The following ATP6V0A2 variants were observed in gnomAD, a reference collection of about 807,000 sequenced individuals.
ATP6V0A2 encodes ATPase H+ transporting V0 subunit a2, also known as V-type proton ATPase 116 kDa subunit a 2.
In ATP6V0A2, 58 loss-of-function variants were observed where a neutral mutation model predicts 104.4. The ratio of observed to expected loss-of-function variants is 0.56; its 90% CI spans 0.45 to 0.69. The LOEUF (loss-of-function observed/expected upper bound fraction) is 0.69. Among genes scored for constraint, ATP6V0A2 ranks in the 30% least tolerant of loss-of-function variants. The pLI is 0.00. For missense variants in ATP6V0A2, 938 were observed against 1,062.9 expected (o/e 0.88, Z 1.63); for synonymous variants, 376 against 397.9 (o/e 0.95, Z 0.65).
Position 123,713,502 on chromosome 12 carries a change from G to A in ATP6V0A2, c.117+820G>A, listed in dbSNP as rs542941538. 5.3e-5 allele frequency among the ~76,000 whole-genome samples: 8 copies of A among 152,198 alleles called. No individual in the cohort carries two copies. In the South Asian group the frequency reaches 1.7e-3, roughly 32 times the overall value. On this transcript the variant is annotated intron_variant, in intron 1 of 19. Coordinates refer to ENST00000330342, the MANE Select transcript of ATP6V0A2 (RefSeq NM_012463.4). ...TTAACGCAGTCCTTGGCAGTCATTGGCATCGATAGGCATTTGTTGAATGAA... is the reference window on the plus strand; with the variant it reads ...TTAACGCAGTCCTTGGCAGTCATTGACATCGATAGGCATTTGTTGAATGAA...
chr12:123,758,347 G>A lies in ATP6V0A2; in HGVS notation c.*315G>A. 2 of 215,144 alleles carry A rather than the reference G, an allele frequency of 9.3e-6. No individual in the cohort carries two copies. The highest frequency in any genetic ancestry group is 1.8e-5 in the Non-Finnish European group (2 of 108,456). The allele number at this position is 215,144 out of a possible 1,614,324, so 13.3% of individuals were successfully genotyped here. On this transcript the variant is annotated 3_prime_UTR_variant, in exon 20 of 20. Coordinates refer to ENST00000330342, the MANE Select transcript of ATP6V0A2 (RefSeq NM_012463.4). ...CAATTTTGCATGGCTAGTTGAAAATGGTATTAGATACTTATTTCCTTTAAA... is the reference window on the plus strand; with the variant it reads ...CAATTTTGCATGGCTAGTTGAAAATAGTATTAGATACTTATTTCCTTTAAA...
At chr12:123,754,275 T>G in intron 17 of ATP6V0A2, 145 bp from the exon 18 acceptor site, 1 of 701,022 alleles carries the variant, frequency 1.4e-6, no homozygotes, top group East Asian at 2.6e-5. Context: ...CGTCTGGGGT[T>G]TCTGTTCCTC....
At chr12:123,720,555 A>G (rs763596915) in intron 2 of ATP6V0A2, among the ~76,000 whole-genome samples, 17 of 152,174 alleles carry the variant, frequency 1.1e-4, no homozygotes, top group Non-Finnish European at 1.6e-4. Flanking sequence ...TTAGCCAGGC[A>G]TGGTGACATG....
At chr12:123,729,550 G>A (rs1341312487) in intron 6 of ATP6V0A2, among the ~76,000 whole-genome samples, 3 of 152,078 alleles carry the variant, frequency 2.0e-5, no homozygotes, top group Admixed American at 1.3e-4. Context: ...TGGTTCAGAA[G>A]GGAGGGTGGA....
chr12:123,727,965 G>A (rs2135891025), intron 6 of ATP6V0A2, 56 bp downstream of exon 6: 2 of 1,611,398 alleles, frequency 1.2e-6, no homozygotes, highest in South Asian at 2.2e-5. Flanking sequence ...CAGAGTTGGA[G>A]ATATGGTAGA....
At chr12:123,757,115 C>T (rs1033724057) in intron 19 of ATP6V0A2, 129 bp downstream of exon 19, 2 of 1,063,962 alleles carry the variant, frequency 1.9e-6, no homozygotes, top group Non-Finnish European at 2.8e-6. Context: ...CTTCCCTTCC[C>T]TTGGGATCTG....
rs561208177 is a variant in ATP6V0A2, at chr12:123,759,209, A to G, written c.*1177A>G. On this transcript the variant is annotated 3_prime_UTR_variant, in exon 20 of 20. Transcript: ENST00000330342. ...AAAATATAAATGAAGATATTTTACC[A>G]TGAAGAGATTGCACTTATCCTTGAG... 14 of 151,860 alleles carry G rather than the reference A, an allele frequency of 9.2e-5. No homozygotes were observed. Among genetic ancestry groups the G allele is most frequent in the African/African-American group, 3.2e-4 (13 of 41,048 alleles). The allele number at this position is 151,860 out of a possible 1,614,324, so 9.4% of individuals were successfully genotyped here.
intron 2 of ATP6V0A2, chr12:123,721,649 T>C (rs1878077): frequency 0.67 from 139,454 of 208,782 alleles, 47,153 homozygotes; most frequent in East Asian, 0.95. Flanking sequence ...TTTCTAGGGC[T>C]GCCCTGACAC....
Position 123,744,948 on chromosome 12 carries a change from C to A in ATP6V0A2, c.1581C>A (p.Gly527=). Reference sequence around the variant, plus strand: ...CAAGCATTCCTGGAGTGTTCCGAGGCCCTTATCCCCTTGGCATTGATCCTG... The same window carrying A: ...CAAGCATTCCTGGAGTGTTCCGAGGACCTTATCCCCTTGGCATTGATCCTG... ...LDPSIPGVFR[G]PYPLGIDPIW... Residue 527 remains glycine (G), a synonymous_variant, in exon 13 of 20, where the codon GGC becomes GGA. Coordinates refer to ENST00000330342, the MANE Select transcript of ATP6V0A2 (RefSeq NM_012463.4). The surrounding 1 kb of genome is among the most constrained non-coding windows in gnomAD (Gnocchi z 5.4). 1 of 1,614,234 alleles carries A rather than the reference C, an allele frequency of 6.2e-7. No homozygotes were observed. Among genetic ancestry groups the A allele is most frequent in the Non-Finnish European group, 8.5e-7 (1 of 1,180,032 alleles).
In ATP6V0A2 at chr12:123,741,947, G is replaced by A. The variant is rs1006398153; in HGVS notation, c.1039-1838G>A. On this transcript the variant is annotated intron_variant, in intron 9 of 19. Transcript: ENST00000330342. ...TTTTTTGTGTACTGAATGCAAACAC[G>A]TCGGGTCCTGGATCTGAGATGTCCT... Among the ~76,000 whole-genome samples, 59 of 152,208 alleles carry A rather than the reference G, an allele frequency of 3.9e-4. 1 individual carries two copies. The highest frequency in any genetic ancestry group is 1.3e-3 in the African/African-American group (55 of 41,526).
chr12:123,718,911 G>A (rs1457935535), intron 2 of ATP6V0A2, among the ~76,000 whole-genome samples: 1 of 151,968 alleles, frequency 6.6e-6, no homozygotes, highest in East Asian at 1.9e-4. Flanking sequence ...AAACATAATG[G>A]CCTGGTTATT....
intron 5 of ATP6V0A2, among the ~76,000 whole-genome samples, chr12:123,727,292 CTTTT>C (rs10607481): frequency 2.9e-4 from 42 of 146,954 alleles, no homozygotes; most frequent in Non-Finnish European, 4.8e-4. Context: ...GAATTTCTCT[CTTTT>C]TTTTTTTTTT....
At chr12:123,750,828 T>G in intron 15 of ATP6V0A2, 2 of 432,154 alleles carry the variant, frequency 4.6e-6, no homozygotes, top group East Asian at 5.0e-5. Flanking sequence ...CAGAAAATGA[T>G]TAGTTGGAGT....
intron 13 of ATP6V0A2, among the ~76,000 whole-genome samples, chr12:123,746,163 A>C (rs914327863): frequency 6.6e-6 from 1 of 152,208 alleles, no homozygotes; most frequent in South Asian, 2.1e-4. Context: ...TTTCTGAATA[A>C]GGGAACCAAG....
chr12:123,745,692 C>T (rs1956655352), intron 13 of ATP6V0A2, among the ~76,000 whole-genome samples: 1 of 143,520 alleles, frequency 7.0e-6, no homozygotes, highest in Non-Finnish European at 1.5e-5. Context: ...GGCAACGGAG[C>T]GAGAGACTCT....
rs1292120245 is a variant in ATP6V0A2, at chr12:123,758,467, T to C, written c.*435T>C. The C allele has an allele frequency of 6.5e-6, 1 of 153,720 alleles. No individual in the cohort carries two copies. The highest frequency in any genetic ancestry group is 1.4e-5 in the Non-Finnish European group (1 of 69,210). The allele number at this position is 153,720 out of a possible 1,614,324, so 9.5% of individuals were successfully genotyped here. A position where few individuals can be genotyped will look rare whatever the true frequency, so the allele number is the denominator to read the frequency against. ...AAGTAGGGATAGTTTTTTAAAAAAT[T>C]TAATGATGGGTAATCAAAACATTCA... On this transcript the variant is annotated 3_prime_UTR_variant, in exon 20 of 20. Transcript: ENST00000330342.
At chr12:123,729,677 A>G (rs1340006696) in intron 6 of ATP6V0A2, among the ~76,000 whole-genome samples, 1 of 152,170 alleles carries the variant, frequency 6.6e-6, no homozygotes, top group Non-Finnish European at 1.5e-5. Flanking sequence ...AAAGGTGGAA[A>G]AGGAACTTGG....
chr12:123,714,073 G>T (rs1956317963), intron 1 of ATP6V0A2, among the ~76,000 whole-genome samples: 1 of 152,202 alleles, frequency 6.6e-6, no homozygotes, highest in Non-Finnish European at 1.5e-5. Flanking sequence ...GGCAACAGCT[G>T]CAGGTGCAGC....
In ATP6V0A2 at chr12:123,745,073, G is replaced by T. The variant is rs1207941370; in HGVS notation, c.1605+101G>T. The T allele has an allele frequency of 4.2e-6, 5 of 1,190,862 alleles. No homozygotes were observed. In the East Asian group the frequency reaches 1.2e-4, roughly 29 times the overall value. The allele number at this position is 1,190,862 out of a possible 1,614,324, so 73.8% of individuals were successfully genotyped here. On this transcript the variant is annotated intron_variant, in intron 13 of 19. Transcript: ENST00000330342. ...TAGACTGTTGAGCAGGGTTCACGCT[G>T]CCCTGAGCGGGAGGTGCTCATTAGC...
Sources: allele counts gnomAD v4.1 joint callset (sites outside exome capture counted in the v4.1 genomes callset), GRCh38; gene constraint gnomAD v4.1.1; non-coding constraint Gnocchi (gnomAD v3.1); transcripts MANE v1.5; gene names NCBI Gene and HGNC (gene_info 2026-07-23, HGNC 2026-07-21).